The following SNX7 variants were observed in gnomAD, a reference collection of about 807,000 sequenced individuals.
SNX7 encodes the protein sorting nexin-7.
A neutral mutation model predicts 48.4 loss-of-function variants in SNX7; 35 were observed. The observed-to-expected ratio is 0.72, with a 90% CI of 0.55 to 0.96. The LOEUF is 0.96. Ranked by LOEUF, SNX7 falls within the 40% of genes least tolerant of loss-of-function variation. The pLI is 0.00. For missense variants in SNX7, 553 were observed against 548.9 expected (o/e 1.01, Z -0.07); for synonymous variants, 190 against 190.2 (o/e 1.00, Z 0.01).
Position 98,663,252 on chromosome 1 carries a change from G to GTTTTTTTTTTTTTTTTTTTTTTTT in SNX7, c.180+1341_180+1342insTTTTTTTTTTTTTTTTTTTTTTTT, listed in dbSNP as rs1491348958. 6.0e-5 allele frequency among the ~76,000 whole-genome samples: 5 copies of GTTTTTTTTTTTTTTTTTTTTTTTT among 83,184 alleles called. 2 individuals carry two copies. The highest frequency in any genetic ancestry group is 1.1e-4 in the African/African-American group (2 of 18,276). 54.6% of individuals were successfully genotyped at this position (83,184 alleles called of 152,430 possible). A position where few individuals can be genotyped will look rare whatever the true frequency, so the allele number is the denominator to read the frequency against. On this transcript the variant is annotated intron_variant, in intron 1 of 8. Transcript: ENST00000306121. The stretch of plus-strand genomic sequence containing the variant: ...ATCAGAATCATCAGGGTTTCTTTCT[G>GTTTTTTTTTTTTTTTTTTTTTTTT]GTTTTTTTTTTTTTTTTTTTTTTTT...
At chr1:98,668,444 C>T (rs1557784430) in intron 1 of SNX7, among the ~76,000 whole-genome samples, 1 of 152,162 alleles carries the variant, frequency 6.6e-6, no homozygotes, top group South Asian at 2.1e-4. Context: ...GATGCCAGTG[C>T]CTTGTTATGG....
chr1:98,679,119 C>A (rs566739572), intron 1 of SNX7, among the ~76,000 whole-genome samples: 2 of 152,238 alleles, frequency 1.3e-5, no homozygotes, highest in East Asian at 1.9e-4. Context: ...AATGGACTTA[C>A]AATTCTGCAT....
chr1:98,721,955 T>A (rs1652897025), intron 7 of SNX7, among the ~76,000 whole-genome samples: 1 of 152,116 alleles, frequency 6.6e-6, no homozygotes, highest in Non-Finnish European at 1.5e-5. Flanking sequence ...TCCTTTATAT[T>A]CTGATGTATA....
At chr1:98,748,016 G>T (rs1262643089) in intron 8 of SNX7, among the ~76,000 whole-genome samples, 2 of 137,084 alleles carry the variant, frequency 1.5e-5, no homozygotes, top group Admixed American at 8.0e-5. Flanking sequence ...TTGCTCTGTC[G>T]CCCAGGCTGG....
At chr1:98,665,983 A>G (rs1649518145) in intron 1 of SNX7, among the ~76,000 whole-genome samples, 3 of 152,132 alleles carry the variant, frequency 2.0e-5, no homozygotes, top group African/African-American at 7.2e-5. Context: ...TTCTTTGTCA[A>G]TTTGGAAATT....
intron 8 of SNX7, among the ~76,000 whole-genome samples, chr1:98,757,695 G>C (rs1201707316): frequency 4.0e-5 from 6 of 151,248 alleles, no homozygotes; most frequent in Non-Finnish European, 8.8e-5. Context: ...CCAGGGTGTT[G>C]AAAACCATTG....
At chr1:98,746,244 T>C (rs1266827573) in intron 8 of SNX7, among the ~76,000 whole-genome samples, 3 of 152,078 alleles carry the variant, frequency 2.0e-5, no homozygotes, top group Non-Finnish European at 4.4e-5. Flanking sequence ...AAATTGACTA[T>C]TATAAATATC....
intron 2 of SNX7, among the ~76,000 whole-genome samples, chr1:98,688,949 G>A (rs370126859): frequency 6.6e-6 from 1 of 152,040 alleles, no homozygotes; most frequent in African/African-American, 2.4e-5. Flanking sequence ...CTGTCACCCA[G>A]GGTAGAGTAC....
At chr1:98,732,601 T>G (rs1455891070) in intron 7 of SNX7, among the ~76,000 whole-genome samples, 3 of 152,102 alleles carry the variant, frequency 2.0e-5, no homozygotes, top group Admixed American at 1.3e-4. Flanking sequence ...TCAGCTTAAT[T>G]TTTTTCCTTT....
intron 7 of SNX7, among the ~76,000 whole-genome samples, chr1:98,727,018 G>A (rs906377609): frequency 6.6e-6 from 1 of 152,142 alleles, no homozygotes. Context: ...AGACCATCCT[G>A]GCTAACACAG....
At chr1:98,751,060 A>T (rs1270570521) in intron 8 of SNX7, among the ~76,000 whole-genome samples, 1 of 152,122 alleles carries the variant, frequency 6.6e-6, no homozygotes, top group African/African-American at 2.4e-5. Flanking sequence ...ATAGGTAAAC[A>T]GGCCCAGAGC....
chr1:98,695,458 T>C lies in SNX7; in HGVS notation c.640-60T>C, dbSNP rs2100963989. The C allele has an allele frequency of 6.1e-6, 9 of 1,478,368 alleles. No individual in the cohort carries two copies. In the East Asian group the frequency reaches 2.0e-4, roughly 33 times the overall value. The allele number at this position is 1,478,368 out of a possible 1,614,324, so 91.6% of individuals were successfully genotyped here. A position where few individuals can be genotyped will look rare whatever the true frequency, so the allele number is the denominator to read the frequency against. ...ATTCTCCTAATTAGGTTTATTTTTGTATTGAGTCTCGGAATATTGAGACTT... is the reference window on the plus strand; with the variant it reads ...ATTCTCCTAATTAGGTTTATTTTTGCATTGAGTCTCGGAATATTGAGACTT... On this transcript the variant is annotated intron_variant, in intron 4 of 8. Transcript: ENST00000306121.
chr1:98,692,781 G>A lies in SNX7; in HGVS notation c.639+1082G>A, dbSNP rs549819102. ...TTTTGATTTAATACTGCATCTTTATGTTTGTTTACATTTCTCTCAACTGCA... is the reference window on the plus strand; with the variant it reads ...TTTTGATTTAATACTGCATCTTTATATTTGTTTACATTTCTCTCAACTGCA... On this transcript the variant is annotated intron_variant, in intron 4 of 8. Coordinates refer to ENST00000306121, the MANE Select transcript of SNX7 (RefSeq NM_015976.5). Among the ~76,000 whole-genome samples the A allele has an allele frequency of 7.2e-5, 11 of 152,274 alleles. No individual in the cohort carries two copies. The South Asian group carries it at 2.3e-3, about 32-fold the overall frequency.
intron 5 of SNX7, 75 bp from the exon 6 acceptor site, chr1:98,698,631 C>T (rs1202251670): frequency 1.5e-6 from 2 of 1,322,156 alleles, no homozygotes; most frequent in African/African-American, 3.0e-5. Context: ...AAGGCCCTTT[C>T]TTACTCTCTA....
chr1:98,754,904 T>C (rs1047813345), intron 8 of SNX7, among the ~76,000 whole-genome samples: 6 of 151,994 alleles, frequency 3.9e-5, no homozygotes, highest in African/African-American at 4.8e-5. Flanking sequence ...AGGCATTGAT[T>C]TGAAATCTTT....
intron 1 of SNX7, among the ~76,000 whole-genome samples, chr1:98,682,018 T>C (rs1650517081): frequency 6.6e-6 from 1 of 152,216 alleles, no homozygotes; most frequent in Non-Finnish European, 1.5e-5. Context: ...ATAATTTATC[T>C]ACAGATCTAA....
At chr1:98,709,026 G>A (rs888839307) in intron 7 of SNX7, among the ~76,000 whole-genome samples, 1 of 152,156 alleles carries the variant, frequency 6.6e-6, no homozygotes, top group African/African-American at 2.4e-5. Flanking sequence ...TTAAAGCACA[G>A]CATTTTGTGG....
chr1:98,663,238 C>G (rs1452779374), intron 1 of SNX7, among the ~76,000 whole-genome samples: 2 of 129,806 alleles, frequency 1.5e-5, no homozygotes, highest in Admixed American at 8.3e-5. Flanking sequence ...TCAGAATCAT[C>G]AGGGTTTCTT....
chr1:98,682,908 A>G (rs905967324), intron 1 of SNX7, among the ~76,000 whole-genome samples: 2 of 151,898 alleles, frequency 1.3e-5, no homozygotes, highest in Non-Finnish European at 2.9e-5. Flanking sequence ...AAATCTTCTC[A>G]TTTTCCATCT....
Sources: allele counts gnomAD v4.1 joint callset (sites outside exome capture counted in the v4.1 genomes callset), GRCh38; gene constraint gnomAD v4.1.1; transcripts MANE v1.5; gene names NCBI Gene and HGNC (gene_info 2026-07-23, HGNC 2026-07-21).